SHISA5: variants seen among roughly 807,000 people sequenced by gnomAD.
SHISA5 encodes shisa family member 5.
In SHISA5, 21 loss-of-function variants were observed where a neutral mutation model predicts 27.5. That is an observed-to-expected ratio of 0.76 (90% confidence interval 0.54 to 1.10). The LOEUF is 1.10. SHISA5 is among the 50% of genes least tolerant of loss of function. The pLI, the probability that SHISA5 is intolerant of heterozygous loss-of-function variation, is 0.00. For synonymous variants in SHISA5, 137 were observed against 142.2 expected (o/e 0.96, Z 0.26); for missense variants, 314 against 336.3 (o/e 0.93, Z 0.52).
intron 1 of SHISA5, chr3:48,502,659 A>G (rs2041791749): frequency 3.0e-6 from 1 of 328,002 alleles, no homozygotes; most frequent in African/African-American, 2.2e-5. Context: ...ATTAGCAGAG[A>G]CCTGTGCCCA....
intron 1 of SHISA5, 54 bp downstream of exon 1, chr3:48,503,965 G>T: frequency 6.9e-7 from 1 of 1,444,962 alleles, no homozygotes. Context: ...GGCAGCGCGG[G>T]GAAGTGTCTG....
At chr3:48,492,032 CTTTAGAG>C (rs1022237329) in intron 2 of SHISA5, among the ~76,000 whole-genome samples, 5 of 148,900 alleles carry the variant, frequency 3.4e-5, no homozygotes, top group African/African-American at 1.3e-4. Context: ...AGGCTTTGCA[CTTTAGAG>C]TTAAGAGTAG....
At chr3:48,496,666 A>T (rs1460278690) in intron 2 of SHISA5, among the ~76,000 whole-genome samples, 1 of 151,412 alleles carries the variant, frequency 6.6e-6, no homozygotes, top group Non-Finnish European at 1.5e-5. Context: ...CCCGGGAGGC[A>T]GAGGTTGCAG....
In SHISA5 at chr3:48,473,184, T is replaced by A. The variant is rs1175370566; in HGVS notation, c.315-3341A>T. Reference sequence around the variant, plus strand: ...AGACGCGAAGCCCCGTTCCACCCTCTTAAAGACACAGGATGGCCCCGCCCA... The same window carrying A: ...AGACGCGAAGCCCCGTTCCACCCTCATAAAGACACAGGATGGCCCCGCCCA... On this transcript the variant is annotated intron_variant, in intron 3 of 5. Coordinates refer to ENST00000296444, the MANE Select transcript of SHISA5 (RefSeq NM_016479.6). The surrounding 1 kb of genome is among the most constrained non-coding windows in gnomAD (Gnocchi z 4.3). 2.8e-6 allele frequency: 4 copies of A among 1,436,970 alleles called. No homozygotes were observed. The highest frequency in any genetic ancestry group is 3.6e-6 in the Non-Finnish European group (4 of 1,098,774). The allele number at this position is 1,436,970 out of a possible 1,614,324, so 89.0% of individuals were successfully genotyped here.
At chr3:48,501,054 G>A (rs1240307622) in intron 2 of SHISA5, 83 bp downstream of exon 2, 3 of 1,415,296 alleles carry the variant, frequency 2.1e-6, no homozygotes, top group Non-Finnish European at 2.9e-6. Flanking sequence ...GAGGCCAGAG[G>A]GGCAGAGCTA....
At chr3:48,497,620 G>A (rs1426181128) in intron 2 of SHISA5, among the ~76,000 whole-genome samples, 2 of 151,944 alleles carry the variant, frequency 1.3e-5, no homozygotes, top group African/African-American at 4.8e-5. Context: ...ATTTCAGCTA[G>A]GTGCACCTGT....
chr3:48,480,560 A>C (rs2040975503), intron 2 of SHISA5, among the ~76,000 whole-genome samples: 1 of 152,138 alleles, frequency 6.6e-6, no homozygotes, highest in East Asian at 1.9e-4. Flanking sequence ...GGAGTTTGAG[A>C]CTAGCCTGTC....
In SHISA5 at chr3:48,468,284, A is replaced by G; in HGVS notation, c.*823T>C. The G allele has an allele frequency of 9.8e-7, 1 of 1,015,502 alleles. No individual in the cohort carries two copies. Among genetic ancestry groups the G allele is most frequent in the Non-Finnish European group, 1.2e-6 (1 of 847,752 alleles). 62.9% of individuals were successfully genotyped at this position (1,015,502 alleles called of 1,614,324 possible). ...AAATAAAATGAAAACACTGCAGGGA[A>G]GAGAACTGAGTGTGCTGGTGGACAG... On this transcript the variant is annotated 3_prime_UTR_variant, in exon 6 of 6. Transcript: ENST00000296444.
chr3:48,495,905 CTT>C (rs2041535237), intron 2 of SHISA5, among the ~76,000 whole-genome samples: 1 of 147,134 alleles, frequency 6.8e-6, no homozygotes, highest in Non-Finnish European at 1.5e-5. Context: ...AATCCCAGAA[CTT>C]TGGGAGGCCA....
At chr3:48,500,130 T>A (rs1331893219) in intron 2 of SHISA5, among the ~76,000 whole-genome samples, 5 of 152,130 alleles carry the variant, frequency 3.3e-5, no homozygotes, top group African/African-American at 9.7e-5. Flanking sequence ...ATGACAACCA[T>A]TGTGGATTCA....
At position 48,469,106 on chromosome 3, in the gene SHISA5, C is replaced by G; in HGVS notation, c.*1G>C. On this transcript the variant is annotated 3_prime_UTR_variant, in exon 6 of 6. Coordinates refer to ENST00000296444, the MANE Select transcript of SHISA5 (RefSeq NM_016479.6). The surrounding 1 kb of genome is among the most constrained non-coding windows in gnomAD (Gnocchi z 4.6). ...TGGCAGCCAGAGAGGCCAGGGAATG[C>G]TCAGAGGGCCGCCTTCGGGGCATCC... is the stretch of plus-strand genomic sequence containing the variant. 6.2e-7 allele frequency: 1 copy of G among 1,612,970 alleles called. No homozygotes were observed. Among genetic ancestry groups the G allele is most frequent in the Non-Finnish European group, 8.5e-7 (1 of 1,180,018 alleles).
In SHISA5 at chr3:48,469,327, G is replaced by T. The variant is rs372748254; in HGVS notation, c.643+34C>A. 5.1e-6 allele frequency: 8 copies of T among 1,569,048 alleles called. No homozygotes were observed. Among genetic ancestry groups the T allele is most frequent in the Middle Eastern group, 1.8e-4 (1 of 5,632 alleles). On this transcript the variant is annotated intron_variant, in intron 5 of 5. Coordinates refer to ENST00000296444, the MANE Select transcript of SHISA5 (RefSeq NM_016479.6). The surrounding 1 kb of genome is among the most constrained non-coding windows in gnomAD (Gnocchi z 4.6). ...AGGGATGCTGGCAGAGACTCGGGAA[G>T]TCGGGCAGGGCTAGAGTTGGCAGGG...
Position 48,469,038 on chromosome 3 carries a change from C to T in SHISA5, c.*69G>A, listed in dbSNP as rs773864015. On this transcript the variant is annotated 3_prime_UTR_variant, in exon 6 of 6. Transcript: ENST00000296444. The surrounding 1 kb of genome is among the most constrained non-coding windows in gnomAD (Gnocchi z 4.6). The stretch of plus-strand genomic sequence containing the variant: ...CACAGCACACATGGGGCGTAAGGAA[C>T]CGCGCCTGCACACCACTCACGCACA... The T allele has an allele frequency of 1.2e-6, 2 of 1,607,498 alleles. No homozygotes were observed. The highest frequency in any genetic ancestry group is 2.2e-5 in the South Asian group (2 of 91,068).
Position 48,468,051 on chromosome 3 carries a change from G to T in SHISA5, c.*1056C>A. ...CCACACCCCACCTTTGGTCCAGATG[G>T]CCCATTGGCCCAGGTGTCCCTGCTG... On this transcript the variant is annotated 3_prime_UTR_variant, in exon 6 of 6. Transcript: ENST00000296444. 1.4e-6 allele frequency: 1 copy of T among 703,642 alleles called. No individual in the cohort carries two copies. Among genetic ancestry groups the T allele is most frequent in the Non-Finnish European group, 1.8e-6 (1 of 560,632 alleles). The allele number at this position is 703,642 out of a possible 1,614,324, so 43.6% of individuals were successfully genotyped here. A position where few individuals can be genotyped will look rare whatever the true frequency, so the allele number is the denominator to read the frequency against.
intron 3 of SHISA5, among the ~76,000 whole-genome samples, chr3:48,478,137 A>G (rs930618656): frequency 3.9e-5 from 6 of 152,198 alleles, no homozygotes; most frequent in South Asian, 2.1e-4. Context: ...AAAGCCCACA[A>G]TCCTGGGCCT....
At chr3:48,474,632 T>C in intron 3 of SHISA5, among the ~76,000 whole-genome samples, 1 of 152,148 alleles carries the variant, frequency 6.6e-6, no homozygotes, top group East Asian at 1.9e-4. Flanking sequence ...CCACCGTGCC[T>C]GGCCTTTAAT....
Position 48,469,039 on chromosome 3 carries a change from C to T in SHISA5, c.*68G>A, listed in dbSNP as rs763072921. The T allele has an allele frequency of 2.1e-5, 33 of 1,607,536 alleles. No homozygotes were observed. In the South Asian group the frequency reaches 2.6e-4, roughly 13 times the overall value. On this transcript the variant is annotated 3_prime_UTR_variant, in exon 6 of 6. Transcript: ENST00000296444. The surrounding 1 kb of genome is among the most constrained non-coding windows in gnomAD (Gnocchi z 4.6). ...ACAGCACACATGGGGCGTAAGGAACCGCGCCTGCACACCACTCACGCACAC... is the reference window on the plus strand; with the variant it reads ...ACAGCACACATGGGGCGTAAGGAACTGCGCCTGCACACCACTCACGCACAC...
chr3:48,478,854 TTC>T (rs1326165553), intron 3 of SHISA5, among the ~76,000 whole-genome samples: 2 of 151,596 alleles, frequency 1.3e-5, no homozygotes, highest in Non-Finnish European at 2.9e-5. Flanking sequence ...CTACAGCCCC[TTC>T]TCTGTCACTC....
chr3:48,472,823 G>C (rs1030754560), intron 3 of SHISA5, among the ~76,000 whole-genome samples: 2 of 152,244 alleles, frequency 1.3e-5, no homozygotes, highest in East Asian at 1.9e-4. Flanking sequence ...GGCCGTCCAG[G>C]ACAAGGCCCT....
Sources: gnomAD v4.1 joint callset for allele counts (sites outside exome capture counted in the v4.1 genomes callset) on GRCh38, gnomAD v4.1.1 for gene constraint, Gnocchi (gnomAD v3.1) non-coding constraint, MANE v1.5 for transcripts, NCBI Gene and HGNC (gene_info 2026-07-23, HGNC 2026-07-21) for gene names.